Variants in CCDC172 observed in about 807,000 individuals in gnomAD.
The protein encoded by CCDC172 is coiled-coil domain containing 172, also known as coiled-coil domain-containing protein 172.
A neutral mutation model predicts 38.0 loss-of-function variants in CCDC172; 30 were observed. The ratio of observed to expected loss-of-function variants is 0.79; its 90% confidence interval spans 0.59 to 1.07. The LOEUF is 1.07. CCDC172 is among the 50% of genes least tolerant of loss of function. CCDC172 has a pLI of 0.00. For missense variants in CCDC172, 297 were observed against 290.1 expected (o/e 1.02, Z -0.17); for synonymous variants, 78 against 88.3 (o/e 0.88, Z 0.66).
At chr10:116,353,934 G>C (rs1844962680) in intron 5 of CCDC172, among the ~76,000 whole-genome samples, 2 of 152,150 alleles carry the variant, frequency 1.3e-5, no homozygotes, top group African/African-American at 4.8e-5. Context: ...GAAGCAGTTT[G>C]GCCGTTTCTC....
chr10:116,338,193 C>G (rs767225071), intron 3 of CCDC172, among the ~76,000 whole-genome samples: 71 of 152,240 alleles, frequency 4.7e-4, no homozygotes, highest in Admixed American at 8.5e-4. Context: ...CTATTCTTGT[C>G]CTTCCTGACT....
At chr10:116,326,749 C>T (rs1285750127) in intron 3 of CCDC172, among the ~76,000 whole-genome samples, 3 of 152,136 alleles carry the variant, frequency 2.0e-5, no homozygotes, top group Admixed American at 6.5e-5. Flanking sequence ...TTTATTCTCA[C>T]TGCCTGTTAT....
intron 5 of CCDC172, among the ~76,000 whole-genome samples, chr10:116,353,192 C>A (rs1352597696): frequency 6.8e-6 from 1 of 145,998 alleles, no homozygotes. Context: ...GACTCCATCT[C>A]AAAAAAAAAA....
chr10:116,338,047 C>A (rs1844751574), intron 3 of CCDC172, among the ~76,000 whole-genome samples: 1 of 152,098 alleles, frequency 6.6e-6, no homozygotes, highest in Non-Finnish European at 1.5e-5. Context: ...AGGAACTGGG[C>A]AGATTCAAAA....
chr10:116,340,104 T>C (rs948492405), intron 3 of CCDC172, among the ~76,000 whole-genome samples: 3 of 151,950 alleles, frequency 2.0e-5, no homozygotes, highest in African/African-American at 7.2e-5. Flanking sequence ...AGATGTTATT[T>C]TTTAAGTTCC....
At position 116,328,714 on chromosome 10, in the gene CCDC172, CTT is replaced by C. The variant is rs1426523632; in HGVS notation, c.165+3327_165+3328del. 5.3e-5 allele frequency among the ~76,000 whole-genome samples: 8 copies of C among 151,980 alleles called. No individual in the cohort carries two copies. In the East Asian group the frequency reaches 1.5e-3, roughly 29 times the overall value. On this transcript the variant is annotated intron_variant, in intron 3 of 8. Coordinates refer to ENST00000333254, the MANE Select transcript of CCDC172 (RefSeq NM_198515.3). The stretch of plus-strand genomic sequence containing the variant: ...AAATTGTATTGAAATTAAAAAGTAA[CTT>C]AAGGTGGCCCCATTTACTTCTTTAC...
intron 3 of CCDC172, among the ~76,000 whole-genome samples, chr10:116,325,832 G>T (rs1199448786): frequency 6.6e-6 from 1 of 152,118 alleles, no homozygotes; most frequent in Non-Finnish European, 1.5e-5. Context: ...CATGCCTTGC[G>T]TCCGAAGTAT....
intron 3 of CCDC172, among the ~76,000 whole-genome samples, chr10:116,329,887 T>C (rs1479479947): frequency 2.6e-5 from 4 of 152,222 alleles, no homozygotes; most frequent in Admixed American, 1.3e-4. Flanking sequence ...ATTAATTTTA[T>C]TGGAACTGAT....
intron 5 of CCDC172, among the ~76,000 whole-genome samples, chr10:116,354,533 G>A (rs1226844567): frequency 6.6e-6 from 1 of 151,856 alleles, no homozygotes; most frequent in Non-Finnish European, 1.5e-5. Flanking sequence ...AGACCAGCCT[G>A]GGCAACATGG....
chr10:116,367,123 G>A (rs969555983), intron 7 of CCDC172, among the ~76,000 whole-genome samples: 1 of 152,010 alleles, frequency 6.6e-6, no homozygotes, highest in African/African-American at 2.4e-5. Context: ...GTTTGCTTTA[G>A]GCTGTTCTAG....
intron 7 of CCDC172, among the ~76,000 whole-genome samples, chr10:116,363,455 C>T (rs532365457): frequency 9.9e-5 from 15 of 152,116 alleles, no homozygotes; most frequent in African/African-American, 3.4e-4. Context: ...ACTGATAGTA[C>T]TTTAAATAGA....
intron 7 of CCDC172, among the ~76,000 whole-genome samples, chr10:116,358,733 TAA>T (rs1440150080): frequency 6.6e-6 from 1 of 152,192 alleles, no homozygotes; most frequent in Non-Finnish European, 1.5e-5. Context: ...AATTTTATGT[TAA>T]GTTTTATAAG....
chr10:116,330,600 AAAG>A (rs1844649549), intron 3 of CCDC172, among the ~76,000 whole-genome samples: 2 of 149,624 alleles, frequency 1.3e-5, no homozygotes, highest in South Asian at 2.1e-4. Context: ...ATATAGTATC[AAAG>A]AAGAATATGC....
At chr10:116,356,142 CCAACATGGTGAAA>C (rs562198879) in intron 5 of CCDC172, among the ~76,000 whole-genome samples, 2 of 151,930 alleles carry the variant, frequency 1.3e-5, no homozygotes, top group Non-Finnish European at 2.9e-5. Context: ...ACCAGCCTGA[CCAACATGGTGAAA>C]CCCGTCTCTA....
intron 7 of CCDC172, among the ~76,000 whole-genome samples, chr10:116,360,128 CTT>C (rs1489987535): frequency 6.6e-6 from 1 of 152,142 alleles, no homozygotes; most frequent in Non-Finnish European, 1.5e-5. Context: ...AAGCAGCTGA[CTT>C]ATAGAATATT....
intron 3 of CCDC172, among the ~76,000 whole-genome samples, chr10:116,328,264 T>C (rs1209565600): frequency 6.6e-6 from 1 of 152,100 alleles, no homozygotes; most frequent in Non-Finnish European, 1.5e-5. Flanking sequence ...CTTTATGAAT[T>C]GGACAGCTAC....
chr10:116,357,825 G>A lies in CCDC172; in HGVS notation c.551-11G>A. 1 of 1,289,836 alleles carries A rather than the reference G, an allele frequency of 7.8e-7. No individual in the cohort carries two copies. The highest frequency in any genetic ancestry group is 1.1e-6 in the Non-Finnish European group (1 of 914,904). 79.9% of individuals were successfully genotyped at this position (1,289,836 alleles called of 1,614,324 possible). Reference sequence around the variant, plus strand: ...TTTCAAAAGATTGCAACTATTTTTTGATTTGTTTAGTTTTTGAAGATGAAG... The same window carrying A: ...TTTCAAAAGATTGCAACTATTTTTTAATTTGTTTAGTTTTTGAAGATGAAG... On this transcript the variant is annotated splice_polypyrimidine_tract_variant and intron_variant, in intron 6 of 8. Coordinates refer to ENST00000333254, the MANE Select transcript of CCDC172 (RefSeq NM_198515.3).
At chr10:116,328,487 A>G (rs1302285382) in intron 3 of CCDC172, among the ~76,000 whole-genome samples, 1 of 152,136 alleles carries the variant, frequency 6.6e-6, no homozygotes, top group African/African-American at 2.4e-5. Flanking sequence ...TAAAAATGGC[A>G]TATAATTAAA....
chr10:116,326,014 G>A (rs1844588114), intron 3 of CCDC172, among the ~76,000 whole-genome samples: 1 of 152,204 alleles, frequency 6.6e-6, no homozygotes, highest in Non-Finnish European at 1.5e-5. Flanking sequence ...AGGCAGATAT[G>A]TGCAGTGCAT....
Sources: allele counts gnomAD v4.1 joint callset (sites outside exome capture counted in the v4.1 genomes callset), GRCh38; gene constraint gnomAD v4.1.1; transcripts MANE v1.5; gene names NCBI Gene and HGNC (gene_info 2026-07-23, HGNC 2026-07-21).